The following GALNTL6 variants were observed in gnomAD, a reference collection of about 807,000 sequenced individuals.
GALNTL6 encodes polypeptide N-acetylgalactosaminyltransferase like 6, also known as polypeptide N-acetylgalactosaminyltransferase-like 6.
In GALNTL6, 46 loss-of-function variants were observed where a neutral mutation model predicts 73.7. The ratio of observed to expected loss-of-function variants is 0.62; its 90% CI spans 0.49 to 0.80. GALNTL6 has a LOEUF of 0.80. Among genes scored for constraint, GALNTL6 ranks in the 30% least tolerant of loss-of-function variants. The pLI, the probability that GALNTL6 is intolerant of heterozygous loss-of-function variation, is 0.00. For synonymous variants in GALNTL6, 259 were observed against 263.7 expected, an observed-to-expected ratio of 0.98 and a Z score of 0.17; for missense variants, 604 against 755.0, an observed-to-expected ratio of 0.80 and a Z score of 2.34.
chr4:171,941,998 T>A (rs1239391193), intron 2 of GALNTL6, among the ~76,000 whole-genome samples: 1 of 152,196 alleles, frequency 6.6e-6, no homozygotes, highest in Admixed American at 6.5e-5. Flanking sequence ...ATAGTTTTCA[T>A]GCTCAAAGTT....
At chr4:172,704,798 G>C (rs1475658428) in intron 5 of GALNTL6, among the ~76,000 whole-genome samples, 2 of 151,846 alleles carry the variant, frequency 1.3e-5, no homozygotes, top group African/African-American at 4.8e-5. Context: ...TGGAAGTCTT[G>C]TACCATTATT....
intron 2 of GALNTL6, among the ~76,000 whole-genome samples, chr4:171,828,837 C>T (rs922502447): frequency 6.6e-6 from 1 of 151,964 alleles, no homozygotes; most frequent in Non-Finnish European, 1.5e-5. Flanking sequence ...TCTAGTTGTT[C>T]GAGATCAGGC....
chr4:173,021,357 T>C (rs1180118401), intron 11 of GALNTL6, 119 bp from the exon 12 acceptor site: 1 of 1,027,960 alleles, frequency 9.7e-7, no homozygotes, highest in Non-Finnish European at 1.5e-6. Context: ...GACTTAGCTC[T>C]TTTTGGCAGA....
At chr4:172,843,366 A>G (rs922913890) in intron 7 of GALNTL6, among the ~76,000 whole-genome samples, 2 of 152,198 alleles carry the variant, frequency 1.3e-5, no homozygotes, top group Non-Finnish European at 2.9e-5. Flanking sequence ...GGCTTCGGTA[A>G]TGGCTGCTGT....
At chr4:171,934,658 C>T (rs1738288742) in intron 2 of GALNTL6, among the ~76,000 whole-genome samples, 1 of 152,070 alleles carries the variant, frequency 6.6e-6, no homozygotes, top group Non-Finnish European at 1.5e-5. Flanking sequence ...TCAAGAAATC[C>T]TCCTGACTCA....
At chr4:172,582,252 C>T (rs1003705655) in intron 5 of GALNTL6, among the ~76,000 whole-genome samples, 9 of 152,126 alleles carry the variant, frequency 5.9e-5, no homozygotes, top group African/African-American at 1.4e-4. Context: ...TACTGGCTTT[C>T]GAATCGTAGC....
At chr4:172,732,317 T>C (rs1595413) in intron 5 of GALNTL6, among the ~76,000 whole-genome samples, 54,607 of 152,062 alleles carry the variant, frequency 0.36, 10,859 homozygotes, top group African/African-American at 0.52. Flanking sequence ...ACAGTCTGTG[T>C]TGTGTAGTCT....
At chr4:171,962,595 T>C (rs1479886696) in intron 2 of GALNTL6, among the ~76,000 whole-genome samples, 3 of 152,018 alleles carry the variant, frequency 2.0e-5, no homozygotes, top group Admixed American at 6.6e-5. Flanking sequence ...GAACCCACAG[T>C]TCTGGGAATT....
chr4:172,975,449 ATGC>A (rs1436746944), intron 10 of GALNTL6, among the ~76,000 whole-genome samples: 1 of 152,168 alleles, frequency 6.6e-6, no homozygotes, highest in Non-Finnish European at 1.5e-5. Context: ...GAAGAAGTGC[ATGC>A]TGATTGGTCC....
chr4:172,367,206 C>T (rs911969053), intron 5 of GALNTL6, among the ~76,000 whole-genome samples: 5 of 152,080 alleles, frequency 3.3e-5, no homozygotes, highest in African/African-American at 9.7e-5. Context: ...GTTTTGATCT[C>T]GTTGGCATTT....
intron 5 of GALNTL6, among the ~76,000 whole-genome samples, chr4:172,797,968 A>G (rs1486998956): frequency 1.3e-5 from 2 of 152,144 alleles, no homozygotes; most frequent in African/African-American, 4.8e-5. Flanking sequence ...AAATAGCTCC[A>G]AAGCTCCAAA....
chr4:172,466,836 G>A (rs564271531), intron 5 of GALNTL6, among the ~76,000 whole-genome samples: 3 of 152,206 alleles, frequency 2.0e-5, no homozygotes, highest in Non-Finnish European at 2.9e-5. Flanking sequence ...TTATTATCTT[G>A]TTTCTTTTCT....
At chr4:172,931,123 ATT>A (rs1469144100) in intron 8 of GALNTL6, 36 bp from the exon 9 acceptor site, 1 of 1,096,458 alleles carries the variant, frequency 9.1e-7, no homozygotes. Flanking sequence ...CTTGTGTGAA[ATT>A]CACTGTTGTC....
chr4:172,228,703 A>G (rs930780625), intron 2 of GALNTL6, among the ~76,000 whole-genome samples: 9 of 152,212 alleles, frequency 5.9e-5, no homozygotes, highest in African/African-American at 2.2e-4. Context: ...CTGAAAAAGA[A>G]CAAAAGAAAA....
At chr4:171,887,877 C>T (rs551693092) in intron 2 of GALNTL6, among the ~76,000 whole-genome samples, 3 of 152,148 alleles carry the variant, frequency 2.0e-5, no homozygotes, top group South Asian at 2.1e-4. Flanking sequence ...AAAAAATAAA[C>T]GTAATTTACT....
At chr4:172,248,457 T>A (rs1737734770) in intron 3 of GALNTL6, among the ~76,000 whole-genome samples, 1 of 152,156 alleles carries the variant, frequency 6.6e-6, no homozygotes, top group South Asian at 2.1e-4. Flanking sequence ...AGACCCTAGA[T>A]GTGAGCATAT....
At chr4:172,536,896 G>A (rs1735364138) in intron 5 of GALNTL6, among the ~76,000 whole-genome samples, 1 of 152,178 alleles carries the variant, frequency 6.6e-6, no homozygotes, top group Admixed American at 6.5e-5. Context: ...TGACCTGGAT[G>A]TGAGACATGG....
intron 2 of GALNTL6, among the ~76,000 whole-genome samples, chr4:171,896,475 G>C (rs1736920286): frequency 6.6e-6 from 1 of 152,134 alleles, no homozygotes; most frequent in African/African-American, 2.4e-5. Context: ...ACTGTAACTA[G>C]ATGGCTTATA....
intron 5 of GALNTL6, among the ~76,000 whole-genome samples, chr4:172,742,258 A>G (rs527848966): frequency 1.3e-5 from 2 of 151,838 alleles, no homozygotes; most frequent in Non-Finnish European, 2.9e-5. Flanking sequence ...GTAGCTTTAC[A>G]TTTTCATTAA....
Sources: allele counts gnomAD v4.1 joint callset (sites outside exome capture counted in the v4.1 genomes callset), GRCh38; gene constraint gnomAD v4.1.1; transcripts MANE v1.5; gene names NCBI Gene and HGNC (gene_info 2026-07-23, HGNC 2026-07-21).